Variants in MTMR6 observed in about 807,000 individuals in gnomAD.
The protein encoded by MTMR6 is myotubularin related protein 6.
Under a neutral mutation model 80.1 loss-of-function variants are expected in MTMR6, and 47 were observed. That is an observed-to-expected ratio of 0.59 (90% confidence interval 0.46 to 0.75). The LOEUF (loss-of-function observed/expected upper bound fraction) is 0.75. MTMR6 is among the 30% of genes least tolerant of loss of function. The pLI, the probability that MTMR6 is intolerant of heterozygous loss-of-function variation, is 0.00. For synonymous variants in MTMR6, 254 were observed against 253.0 expected (o/e 1.00, Z -0.04); for missense variants, 629 against 730.9 (o/e 0.86, Z 1.61).
intron 1 of MTMR6, among the ~76,000 whole-genome samples, chr13:25,274,885 C>T (rs1029315580): frequency 6.7e-5 from 10 of 149,350 alleles, no homozygotes; most frequent in African/African-American, 2.4e-4. Flanking sequence ...TTGGCCTCCT[C>T]TACTGCCTGA....
At chr13:25,263,557 A>G (rs762370351) in intron 5 of MTMR6, among the ~76,000 whole-genome samples, 2 of 152,214 alleles carry the variant, frequency 1.3e-5, no homozygotes, top group Non-Finnish European at 2.9e-5. Flanking sequence ...CCAAAATTAG[A>G]GGTTTGTTCT....
At position 25,246,358 on chromosome 13, in the gene MTMR6, T is replaced by C. The variant is rs1956979246; in HGVS notation, c.*2874A>G. ...AGGCTTTCTTCTAGATGTAAGTTCC[T>C]AAAGCTTATAGTTTACATTGATATC... On this transcript the variant is annotated 3_prime_UTR_variant, in exon 14 of 14. Coordinates refer to ENST00000381801, the MANE Select transcript of MTMR6 (RefSeq NM_004685.5). 2.0e-5 allele frequency: 3 copies of C among 152,662 alleles called. No homozygotes were observed. The highest frequency in any genetic ancestry group is 1.3e-4 in the Admixed American group (2 of 15,288). 9.5% of individuals were successfully genotyped at this position (152,662 alleles called of 1,614,324 possible).
chr13:25,252,224 C>A (rs2137519771), intron 11 of MTMR6, among the ~76,000 whole-genome samples: 1 of 152,188 alleles, frequency 6.6e-6, no homozygotes, highest in East Asian at 1.9e-4. Context: ...TTTTCTCTCA[C>A]AACCATATAT....
chr13:25,278,096 G>A (rs773382093), intron 1 of MTMR6, among the ~76,000 whole-genome samples: 5 of 152,134 alleles, frequency 3.3e-5, no homozygotes, highest in Non-Finnish European at 7.3e-5. Flanking sequence ...CTAAGAATCC[G>A]TATTTTTCAT....
In MTMR6 at chr13:25,266,275, C is replaced by A; in HGVS notation, c.316G>T (p.Asp106Tyr). ...LQLSKQAKYE[D>Y]LYAFSYNPKQ... is the part of the protein sequence containing the mutation. The stretch of plus-strand genomic sequence containing the variant: ...GGATTATAAGAAAATGCATAGAGAT[C>A]TTCATATTTTGCTACAGAATACAAA... The change falls in exon 4 of 14, where the codon GAT (aspartate) becomes TAT (tyrosine). Residue 106 changes from aspartate (D) to tyrosine (Y), a missense_variant. Physicochemically the swap from Asp to Tyr is radical, Grantham distance 160. Transcript: ENST00000381801. 1 of 1,610,686 alleles carries A rather than the reference C, an allele frequency of 6.2e-7. No individual in the cohort carries two copies. Among genetic ancestry groups the A allele is most frequent in the Non-Finnish European group, 8.5e-7 (1 of 1,177,258 alleles).
chr13:25,262,428 C>A (rs992707132), intron 5 of MTMR6, among the ~76,000 whole-genome samples: 1 of 152,130 alleles, frequency 6.6e-6, no homozygotes, highest in Non-Finnish European at 1.5e-5. Context: ...AATGCAGTGG[C>A]GTGATCACAG....
intron 9 of MTMR6, among the ~76,000 whole-genome samples, chr13:25,255,596 T>C (rs1440048628): frequency 6.6e-6 from 1 of 152,158 alleles, no homozygotes; most frequent in East Asian, 1.9e-4. Flanking sequence ...CAATCTTGGC[T>C]CACTGCAACC....
At chr13:25,254,274 C>A in intron 10 of MTMR6, 111 bp downstream of exon 10, 1 of 795,384 alleles carries the variant, frequency 1.3e-6, no homozygotes, top group East Asian at 2.6e-5. Flanking sequence ...AAAACCATGA[C>A]ACTCTTACCT....
Position 25,248,959 on chromosome 13 carries a change from T to C in MTMR6, c.*273A>G, listed in dbSNP as rs1025419915. On this transcript the variant is annotated 3_prime_UTR_variant, in exon 14 of 14. Transcript: ENST00000381801. ...GCTGAATTAACATAAATCATAAACG[T>C]CAATTCACTAGTGTACAGTGCAAAT... 2 of 321,388 alleles carry C rather than the reference T, an allele frequency of 6.2e-6. No individual in the cohort carries two copies. Among genetic ancestry groups the C allele is most frequent in the African/African-American group, 4.2e-5 (2 of 47,062 alleles). The allele number at this position is 321,388 out of a possible 1,614,324, so 19.9% of individuals were successfully genotyped here. A position where few individuals can be genotyped will look rare whatever the true frequency, so the allele number is the denominator to read the frequency against.
intron 1 of MTMR6, among the ~76,000 whole-genome samples, chr13:25,277,754 A>C (rs1957756039): frequency 6.6e-6 from 1 of 152,158 alleles, no homozygotes; most frequent in African/African-American, 2.4e-5. Context: ...TGTGTAGTAC[A>C]TGTCTGGACT....
rs1232071302 is a variant in MTMR6 at position 25,246,671 on chromosome 13, A to G, written c.*2561T>C. On this transcript the variant is annotated 3_prime_UTR_variant, in exon 14 of 14. Coordinates refer to ENST00000381801, the MANE Select transcript of MTMR6 (RefSeq NM_004685.5). ...TTAGCATGTCAACTGGAAATTTTTCAATATTTTAAAGCTGACCTTCTGCAA... is the reference window on the plus strand; with the variant it reads ...TTAGCATGTCAACTGGAAATTTTTCGATATTTTAAAGCTGACCTTCTGCAA... The G allele has an allele frequency of 6.5e-6, 1 of 152,782 alleles. No homozygotes were observed. Among genetic ancestry groups the G allele is most frequent in the Non-Finnish European group, 1.5e-5 (1 of 68,064 alleles). 9.5% of individuals were successfully genotyped at this position (152,782 alleles called of 1,614,324 possible).
At position 25,271,563 on chromosome 13, in the gene MTMR6, G is replaced by C. The variant is rs555314949; in HGVS notation, c.141+2508C>G. On this transcript the variant is annotated intron_variant, in intron 2 of 13. Coordinates refer to ENST00000381801, the MANE Select transcript of MTMR6 (RefSeq NM_004685.5). ...GGTTCTAAAAGCTGGCAGAGCTAGT[G>C]GCACAGAAACATGCCCAAGTCTCTT... Among the ~76,000 whole-genome samples, 3 of 152,304 alleles carry C rather than the reference G, an allele frequency of 2.0e-5. No individual in the cohort carries two copies. In the East Asian group the frequency reaches 5.8e-4, roughly 29 times the overall value.
chr13:25,281,041 C>G (rs570400039), intron 1 of MTMR6, among the ~76,000 whole-genome samples: 1 of 152,300 alleles, frequency 6.6e-6, no homozygotes, highest in Admixed American at 6.5e-5. Context: ...AATGTTGGGG[C>G]CACTACAGGT....
chr13:25,267,666 C>A, intron 3 of MTMR6, 113 bp downstream of exon 3: 1 of 1,079,152 alleles, frequency 9.3e-7, no homozygotes, highest in Non-Finnish European at 1.3e-6. Context: ...TACAAAAGAA[C>A]CTGACTGTCA....
chr13:25,250,405 C>A (rs1021040815), intron 13 of MTMR6, among the ~76,000 whole-genome samples: 2 of 152,070 alleles, frequency 1.3e-5, no homozygotes, highest in Admixed American at 1.3e-4. Flanking sequence ...CTGGACAAAA[C>A]CATTTGTAAT....
intron 1 of MTMR6, among the ~76,000 whole-genome samples, chr13:25,277,618 G>T (rs1957752811): frequency 6.6e-6 from 1 of 152,198 alleles, no homozygotes; most frequent in South Asian, 2.1e-4. Flanking sequence ...TCCCTACACA[G>T]TGGGTGAACA....
At chr13:25,263,889 GAAGAAAA>G (rs560017457) in intron 5 of MTMR6, among the ~76,000 whole-genome samples, 40 of 151,692 alleles carry the variant, frequency 2.6e-4, no homozygotes, top group South Asian at 1.9e-3. Flanking sequence ...TTGTCTCAAA[GAAGAAAA>G]AAGAAAAAAG....
Position 25,258,693 on chromosome 13 carries a change from C to A in MTMR6, c.727-1G>T. ...CTGCTCTGTTGGCCATTGCATTCAG[C>A]TAAAATTAAAAGTTTTAGAAATTTA... On this transcript the variant is annotated splice_acceptor_variant, in intron 6 of 13. Transcript: ENST00000381801. LOFTEE classifies it high-confidence loss of function. 2 of 1,526,956 alleles carry A rather than the reference C, an allele frequency of 1.3e-6. No individual in the cohort carries two copies. The highest frequency in any genetic ancestry group is 1.3e-5 in the South Asian group (1 of 77,038). 94.6% of individuals were successfully genotyped at this position (1,526,956 alleles called of 1,614,324 possible). A position where few individuals can be genotyped will look rare whatever the true frequency, so the allele number is the denominator to read the frequency against.
At chr13:25,270,254 A>T (rs1308478975) in intron 2 of MTMR6, among the ~76,000 whole-genome samples, 1 of 152,228 alleles carries the variant, frequency 6.6e-6, no homozygotes, top group African/African-American at 2.4e-5. Context: ...CTAACTAGTT[A>T]TGTGATTTTG....
Sources: allele counts gnomAD v4.1 joint callset (sites outside exome capture counted in the v4.1 genomes callset), GRCh38; gene constraint gnomAD v4.1.1; transcripts MANE v1.5; gene names NCBI Gene and HGNC (gene_info 2026-07-23, HGNC 2026-07-21).